SLC36A1: variants seen among roughly 807,000 people sequenced by gnomAD.
SLC36A1 encodes the protein proton-coupled amino acid transporter 1.
Under a neutral mutation model 47.5 loss-of-function variants are expected in SLC36A1, and 30 were observed. That is an observed-to-expected ratio of 0.63 (90% CI 0.47 to 0.86). SLC36A1 has a LOEUF of 0.86. Ranked by LOEUF, SLC36A1 falls within the 40% of genes least tolerant of loss-of-function variation. The pLI is 0.00. For synonymous variants in SLC36A1, 255 were observed against 249.7 expected (o/e 1.02, Z -0.20); for missense variants, 517 against 606.0 (o/e 0.85, Z 1.54).
At chr5:151,370,547 T>C in the SLC36A1 span, among the ~76,000 whole-genome samples, 1 of 152,112 alleles carries the variant, frequency 6.6e-6, no homozygotes, top group Admixed American at 6.5e-5. Context: ...TTCCTAAGTA[T>C]GTGTATACAA....
At chr5:151,517,083 C>T in the SLC36A1 span, among the ~76,000 whole-genome samples, 6 of 146,226 alleles carry the variant, frequency 4.1e-5, no homozygotes, top group East Asian at 2.0e-4. Flanking sequence ...ACTCCAGCCT[C>T]GGTGACAGAG....
chr5:151,439,614 C>T (rs192326387), intron 1 of SLC36A1, among the ~76,000 whole-genome samples: 84 of 150,126 alleles, frequency 5.6e-4, no homozygotes, highest in Non-Finnish European at 3.4e-4. Flanking sequence ...GATCATGCCA[C>T]TGCACTCCAG....
the SLC36A1 span, among the ~76,000 whole-genome samples, chr5:151,358,695 C>G: frequency 1.3e-5 from 2 of 151,312 alleles, no homozygotes; most frequent in Admixed American, 6.6e-5. Context: ...GATTCTCGGC[C>G]GGGCGCGGTG....
chr5:151,489,267 C>A lies in SLC36A1; in HGVS notation c.*1013C>A, dbSNP rs1021577374. On this transcript the variant is annotated 3_prime_UTR_variant, in exon 11 of 11. Transcript: ENST00000243389. The surrounding 1 kb of genome is among the most constrained non-coding windows in gnomAD (Gnocchi z 4.5). ...GAGGGAAGGGTGGCTGAGTGAGAGG[C>A]GTATAAAATGGGGCTGTGTGCATGC... 6.6e-6 allele frequency: 1 copy of A among 152,518 alleles called. No individual in the cohort carries two copies. Among genetic ancestry groups the A allele is most frequent in the African/African-American group, 2.4e-5 (1 of 41,410 alleles). The allele number at this position is 152,518 out of a possible 1,614,324, so 9.4% of individuals were successfully genotyped here. A position where few individuals can be genotyped will look rare whatever the true frequency, so the allele number is the denominator to read the frequency against.
At chr5:151,461,928 G>A (rs1755578622) in intron 2 of SLC36A1, among the ~76,000 whole-genome samples, 1 of 149,634 alleles carries the variant, frequency 6.7e-6, no homozygotes, top group Admixed American at 6.6e-5. Context: ...AAGACCTCGA[G>A]TGATTATATG....
chr5:151,552,432 C>G, the SLC36A1 span, among the ~76,000 whole-genome samples: 1 of 152,200 alleles, frequency 6.6e-6, no homozygotes, highest in African/African-American at 2.4e-5. Context: ...TCCTATCCTA[C>G]TCTTAGCCAG....
chr5:151,518,371 A>ATTATTATTATTATTATTATT, the SLC36A1 span, among the ~76,000 whole-genome samples: 1 of 131,134 alleles, frequency 7.6e-6, no homozygotes, highest in Non-Finnish European at 1.6e-5. Context: ...TAATAATAAT[A>ATTATTATTATTATTATTATT]ATAATTTTTA....
intron 1 of SLC36A1, among the ~76,000 whole-genome samples, chr5:151,454,710 C>CTTTTTTTTTTT (rs34814099): frequency 9.3e-6 from 1 of 107,930 alleles, no homozygotes; most frequent in African/African-American, 3.6e-5. Context: ...CATGTGACAG[C>CTTTTTTTTTTT]TTTTTTTTTT....
At chr5:151,468,745 A>G (rs1756942451) in intron 7 of SLC36A1, among the ~76,000 whole-genome samples, 1 of 152,092 alleles carries the variant, frequency 6.6e-6, no homozygotes, top group South Asian at 2.1e-4. Context: ...TTTTTCAATT[A>G]GATGGTTAAT....
chr5:151,537,949 A>G, the SLC36A1 span: 135 of 1,613,292 alleles, frequency 8.4e-5, no homozygotes, highest in Non-Finnish European at 1.1e-4. Context: ...TAGAGAAGCT[A>G]GAGATGGAAA....
chr5:151,506,066 A>G, the SLC36A1 span: 2 of 1,542,636 alleles, frequency 1.3e-6, no homozygotes, highest in East Asian at 4.5e-5. Flanking sequence ...TGGAGTAAGT[A>G]GGGGGCCAGA....
intron 1 of SLC36A1, among the ~76,000 whole-genome samples, chr5:151,454,570 C>A (rs1754189314): frequency 6.6e-6 from 1 of 152,114 alleles, no homozygotes; most frequent in Non-Finnish European, 1.5e-5. Context: ...GTGATCTGTT[C>A]TATTTGGAAC....
chr5:151,451,045 G>C (rs1753581570), intron 1 of SLC36A1: 1 of 152,240 alleles, frequency 6.6e-6, no homozygotes, highest in Admixed American at 6.6e-5. Flanking sequence ...CATAAAGGTA[G>C]CCTCTACTTA....
At chr5:151,545,378 T>C in the SLC36A1 span, 14 of 1,614,056 alleles carry the variant, frequency 8.7e-6, no homozygotes, top group Non-Finnish European at 1.1e-5. Flanking sequence ...GGATGGATGG[T>C]AACAGCTTCA....
the SLC36A1 span, chr5:151,377,979 A>G: frequency 5.1e-4 from 90 of 176,194 alleles, no homozygotes; most frequent in African/African-American, 1.9e-3. Context: ...CGTAATCTCT[A>G]TCTTTTAAGT....
intron 6 of SLC36A1, 21 bp downstream of exon 6, chr5:151,467,304 G>GA (rs373057431): frequency 0.26 from 202,536 of 764,902 alleles, 2,732 homozygotes; most frequent in East Asian, 0.38. Flanking sequence ...GGTTAAAAAA[G>GA]AAAAAAAAAA....
the SLC36A1 span, among the ~76,000 whole-genome samples, chr5:151,514,954 A>T: frequency 6.6e-6 from 1 of 152,224 alleles, no homozygotes; most frequent in South Asian, 2.1e-4. Context: ...TTTCAAAAAT[A>T]TACCTTCTTT....
chr5:151,380,530 C>A, the SLC36A1 span: 1 of 519,456 alleles, frequency 1.9e-6, no homozygotes, highest in South Asian at 1.5e-5. Context: ...GTTGGAAAGA[C>A]AGTGGGTGAT....
At chr5:151,530,821 GGTCTCTGC>G in the SLC36A1 span, among the ~76,000 whole-genome samples, 1 of 152,184 alleles carries the variant, frequency 6.6e-6, no homozygotes, top group Non-Finnish European at 1.5e-5. Flanking sequence ...AAACCAGGCT[GGTCTCTGC>G]AGATGATTAC....
Sources: allele counts gnomAD v4.1 joint callset (sites outside exome capture counted in the v4.1 genomes callset), GRCh38; gene constraint gnomAD v4.1.1; non-coding constraint Gnocchi (gnomAD v3.1); transcripts MANE v1.5; gene names NCBI Gene and HGNC (gene_info 2026-07-23, HGNC 2026-07-21).